The following FHIT variants were observed in gnomAD, a reference collection of about 807,000 sequenced individuals.
FHIT encodes fragile histidine triad diadenosine triphosphatase, also known as bis(5'-adenosyl)-triphosphatase.
A neutral mutation model predicts 17.9 loss-of-function variants in FHIT; 19 were observed. That is an observed-to-expected ratio of 1.06 (90% CI 0.74 to 1.56). FHIT has a LOEUF of 1.56. Ranked by LOEUF, FHIT falls within the 40% of genes most tolerant of loss-of-function variation. The probability of loss-of-function intolerance (pLI) is 0.00; values close to 1 mark genes in which losing one functional copy is unlikely to be tolerated. For synonymous variants in FHIT, 81 were observed against 69.7 expected (o/e 1.16, Z -0.81); for missense variants, 248 against 189.2 (o/e 1.31, Z -1.82).
Position 61,223,675 on chromosome 3 carries a change from T to C in FHIT, c.-212-23010A>G, listed in dbSNP as rs1010900970. Among the ~76,000 whole-genome samples the C allele has an allele frequency of 2.6e-5, 4 of 152,228 alleles. No individual in the cohort carries two copies. In the East Asian group the frequency reaches 5.8e-4, roughly 22 times the overall value. On this transcript the variant is annotated intron_variant, in intron 1 of 9. Coordinates refer to ENST00000492590, the MANE Select transcript of FHIT (RefSeq NM_002012.4). ...AACTGGCCTTCCACATTTTGCCAGA[T>C]GGTGTATCTCAGTAAGTCCCCAATC...
At chr3:60,387,729 AAC>A (rs1701067887) in intron 5 of FHIT, among the ~76,000 whole-genome samples, 1 of 152,026 alleles carries the variant, frequency 6.6e-6, no homozygotes, top group African/African-American at 2.4e-5. Flanking sequence ...TATACCCTCA[AAC>A]ACACCATACT....
intron 5 of FHIT, among the ~76,000 whole-genome samples, chr3:60,130,169 G>T (rs897251605): frequency 6.6e-6 from 1 of 152,138 alleles, no homozygotes; most frequent in South Asian, 2.1e-4. Flanking sequence ...AAAGGGAAAG[G>T]TCCCCATGTC....
chr3:60,952,264 C>T lies in FHIT; in HGVS notation c.-111+89783G>A, dbSNP rs529766669. ...ATCCACTGACCACAGATTGTAATCTCGGCCAACCACTATAGTGGGGAAAGA... is the reference window on the plus strand; with the variant it reads ...ATCCACTGACCACAGATTGTAATCTTGGCCAACCACTATAGTGGGGAAAGA... On this transcript the variant is annotated intron_variant, in intron 3 of 9. Transcript: ENST00000492590. Among the ~76,000 whole-genome samples the T allele has an allele frequency of 3.3e-4, 49 of 150,758 alleles. 1 individual carries two copies. The South Asian group carries it at 9.8e-3, about 30-fold the overall frequency.
At chr3:60,431,294 G>A (rs1702891607) in intron 5 of FHIT, among the ~76,000 whole-genome samples, 1 of 151,092 alleles carries the variant, frequency 6.6e-6, no homozygotes, top group African/African-American at 2.4e-5. Context: ...TTCTTTTTAT[G>A]ATGTTGGCCT....
intron 2 of FHIT, among the ~76,000 whole-genome samples, chr3:61,168,194 C>A (rs1283243468): frequency 6.6e-6 from 1 of 152,178 alleles, no homozygotes; most frequent in Non-Finnish European, 1.5e-5. Context: ...TACACAGCCA[C>A]ATTTACCTAC....
intron 8 of FHIT, among the ~76,000 whole-genome samples, chr3:59,875,245 G>T (rs1052613443): frequency 6.6e-6 from 1 of 151,756 alleles, no homozygotes; most frequent in Admixed American, 6.6e-5. Context: ...AAAGCCTGAG[G>T]GAAAGCAATC....
At chr3:60,548,845 A>G (rs1207106496) in intron 4 of FHIT, among the ~76,000 whole-genome samples, 1 of 152,188 alleles carries the variant, frequency 6.6e-6, no homozygotes, top group African/African-American at 2.4e-5. Context: ...ACAAATTCCT[A>G]TACTTCATCA....
chr3:61,204,805 T>A (rs2039158308), intron 1 of FHIT, among the ~76,000 whole-genome samples: 2 of 152,014 alleles, frequency 1.3e-5, no homozygotes, highest in Non-Finnish European at 2.9e-5. Context: ...GAAGAGAAAG[T>A]ATTTATATTC....
chr3:61,209,904 C>G (rs900796760), intron 1 of FHIT, among the ~76,000 whole-genome samples: 10 of 152,176 alleles, frequency 6.6e-5, no homozygotes, highest in Non-Finnish European at 1.3e-4. Flanking sequence ...TTTAGAGTTT[C>G]CAGTTTTTCT....
In FHIT at chr3:60,857,867, G is replaced by A. The variant is rs576303596; in HGVS notation, c.-110-35856C>T. 5.3e-5 allele frequency among the ~76,000 whole-genome samples: 8 copies of A among 152,300 alleles called. No homozygotes were observed. In the East Asian group the frequency reaches 1.5e-3, roughly 29 times the overall value. On this transcript the variant is annotated intron_variant, in intron 3 of 9. Coordinates refer to ENST00000492590, the MANE Select transcript of FHIT (RefSeq NM_002012.4). The stretch of plus-strand genomic sequence containing the variant: ...CAACTGAGCCCAGGAGTTCAAGGCT[G>A]CAGTGAGCCATAATCATGCCTCTAC...
chr3:60,497,220 G>T (rs1184235636), intron 5 of FHIT, among the ~76,000 whole-genome samples: 1 of 151,944 alleles, frequency 6.6e-6, no homozygotes, highest in Non-Finnish European at 1.5e-5. Flanking sequence ...GGTCCAAAAT[G>T]GCAATGGTTA....
intron 5 of FHIT, among the ~76,000 whole-genome samples, chr3:60,162,245 G>A (rs565177540): frequency 9.9e-5 from 15 of 152,178 alleles, no homozygotes; most frequent in African/African-American, 3.4e-4. Flanking sequence ...TTAAAATTTT[G>A]TTGTGTCATT....
At chr3:59,828,173 G>A (rs937527516) in intron 8 of FHIT, among the ~76,000 whole-genome samples, 18 of 152,118 alleles carry the variant, frequency 1.2e-4, no homozygotes, top group Non-Finnish European at 2.4e-4. Flanking sequence ...GGTTTTATTT[G>A]ATTTTTCATT....
chr3:60,124,521 G>T lies in FHIT; in HGVS notation c.104-110369C>A, dbSNP rs1218978617. 2.6e-4 allele frequency among the ~76,000 whole-genome samples: 39 copies of T among 152,044 alleles called. 1 individual carries two copies. Among genetic ancestry groups the T allele is most frequent in the Admixed American group, 2.5e-3 (38 of 15,266 alleles). On this transcript the variant is annotated intron_variant, in intron 5 of 9. Coordinates refer to ENST00000492590, the MANE Select transcript of FHIT (RefSeq NM_002012.4). ...AGTCAGCTCCATTATCCTGCATCCT[G>T]CCTGCAAAAATGATCTAGATATGGG...
chr3:60,822,814 G>A (rs1489091919), intron 3 of FHIT, among the ~76,000 whole-genome samples: 1 of 152,078 alleles, frequency 6.6e-6, no homozygotes, highest in African/African-American at 2.4e-5. Flanking sequence ...TGACAGGGAG[G>A]CTATTGAGAC....
intron 3 of FHIT, among the ~76,000 whole-genome samples, chr3:60,887,646 C>CAAAACAA (rs1553759592): frequency 1.3e-5 from 2 of 151,318 alleles, no homozygotes; most frequent in African/African-American, 4.9e-5. Flanking sequence ...AACTCCGTCC[C>CAAAACAA]AAAACAAAAA....
intron 4 of FHIT, among the ~76,000 whole-genome samples, chr3:60,715,205 A>G (rs1313762166): frequency 1.3e-5 from 2 of 152,116 alleles, no homozygotes; most frequent in African/African-American, 4.8e-5. Flanking sequence ...TATTTAATAA[A>G]TGGTGCTGGG....
chr3:60,183,553 C>A (rs1172694782), intron 5 of FHIT, among the ~76,000 whole-genome samples: 3 of 152,304 alleles, frequency 2.0e-5, no homozygotes, highest in Middle Eastern at 3.4e-3. Flanking sequence ...GCTCCACAGA[C>A]TTGACCAGAG....
intron 7 of FHIT, among the ~76,000 whole-genome samples, chr3:59,986,773 AAT>A (rs1491179247): frequency 1.9e-4 from 1 of 5,340 alleles, no homozygotes; most frequent in African/African-American, 9.5e-4. Flanking sequence ...TATTTATATA[AAT>A]ATATAAATAT....
Sources: gnomAD v4.1 joint callset for allele counts (sites outside exome capture counted in the v4.1 genomes callset) on GRCh38, gnomAD v4.1.1 for gene constraint, MANE v1.5 for transcripts, NCBI Gene and HGNC (gene_info 2026-07-23, HGNC 2026-07-21) for gene names.